TSGA10: variants seen among roughly 807,000 people sequenced by gnomAD.
TSGA10 encodes the protein testis-specific gene 10 protein.
A neutral mutation model predicts 96.6 loss-of-function variants in TSGA10; 43 were observed. That is an observed-to-expected ratio of 0.44 (90% confidence interval 0.35 to 0.57). The LOEUF (loss-of-function observed/expected upper bound fraction) is 0.57, where lower values mean the gene tolerates loss of function less well. Among genes scored for constraint, TSGA10 ranks in the 20% least tolerant of loss-of-function variants. The pLI, the probability that TSGA10 is intolerant of heterozygous loss-of-function variation, is 0.01. For synonymous variants in TSGA10, 229 were observed against 269.9 expected (o/e 0.85, Z 1.48); for missense variants, 703 against 834.4 (o/e 0.84, Z 1.94).
chr2:99,018,726 G>A, intron 18 of TSGA10, 86 bp from the exon 19 acceptor site: 1 of 1,148,910 alleles, frequency 8.7e-7, no homozygotes, highest in Non-Finnish European at 1.2e-6. Flanking sequence ...ATTGATAGTG[G>A]TTTCTCAGCT....
chr2:99,035,062 T>C (rs570663430), intron 17 of TSGA10, among the ~76,000 whole-genome samples, 168 bp downstream of exon 17: 50 of 152,290 alleles, frequency 3.3e-4, no homozygotes, highest in Admixed American at 6.5e-5. Context: ...AGTCTTAAGT[T>C]GTCTGGAATA....
At chr2:99,102,160 T>C (rs1486193569) in intron 10 of TSGA10, 11 of 1,524,054 alleles carry the variant, frequency 7.2e-6, no homozygotes, top group Non-Finnish European at 8.2e-6. Context: ...ATGAATATAC[T>C]TGAACTTCGG....
rs2079692663 is a variant in TSGA10, at chr2:99,018,136, A to T, written c.2072+64T>A. The T allele has an allele frequency of 1.9e-6, 3 of 1,548,274 alleles. No individual in the cohort carries two copies. The African/African-American group carries it at 4.1e-5, about 21-fold the overall frequency. On this transcript the variant is annotated intron_variant, in intron 20 of 20. Coordinates refer to ENST00000393483, the MANE Select transcript of TSGA10 (RefSeq NM_025244.4). The stretch of plus-strand genomic sequence containing the variant: ...GACTATTGAGTTTCCTTATTACCCC[A>T]AATGTTCACTATACTAGATACTGCT...
At chr2:99,042,107 G>A (rs752925502) in intron 16 of TSGA10, among the ~76,000 whole-genome samples, 1 of 144,082 alleles carries the variant, frequency 6.9e-6, no homozygotes, top group Non-Finnish European at 1.5e-5. Context: ...CAGTGGTACT[G>A]TCTCGGCTCA....
chr2:99,091,713 A>G (rs897293071), intron 10 of TSGA10, among the ~76,000 whole-genome samples: 4 of 152,180 alleles, frequency 2.6e-5, no homozygotes, highest in Non-Finnish European at 4.4e-5. Context: ...AAAGAGGGAC[A>G]TTATATAATG....
intron 1 of TSGA10, among the ~76,000 whole-genome samples, chr2:99,145,279 C>G (rs2093620361): frequency 6.6e-6 from 1 of 152,144 alleles, no homozygotes; most frequent in African/African-American, 2.4e-5. Flanking sequence ...TCTTGTGTGG[C>G]AGGTGCGGTG....
intron 17 of TSGA10, among the ~76,000 whole-genome samples, chr2:99,021,951 G>A (rs2080057332): frequency 6.6e-6 from 1 of 152,068 alleles, no homozygotes; most frequent in Non-Finnish European, 1.5e-5. Flanking sequence ...TAATTCACAT[G>A]CCATCAATGA....
At chr2:99,111,482 A>G (rs1217537508) in intron 4 of TSGA10, among the ~76,000 whole-genome samples, 2 of 152,182 alleles carry the variant, frequency 1.3e-5, no homozygotes, top group Non-Finnish European at 2.9e-5. Context: ...CTTTGCTAAT[A>G]GCATATTCAC....
rs1002688267 is a variant in TSGA10, at chr2:99,036,461, G to T, written c.1405-1022C>A. ...ATGAAACATCCAGACTACTAGAGAA[G>T]TCATATATTAATCAAATAATGATAC... On this transcript the variant is annotated intron_variant, in intron 16 of 20. Coordinates refer to ENST00000393483, the MANE Select transcript of TSGA10 (RefSeq NM_025244.4). 2.0e-5 allele frequency among the ~76,000 whole-genome samples: 3 copies of T among 152,106 alleles called. No homozygotes were observed. The East Asian group carries it at 5.8e-4, about 29-fold the overall frequency.
intron 1 of TSGA10, among the ~76,000 whole-genome samples, chr2:99,135,283 G>A (rs1165396083): frequency 3.9e-5 from 6 of 152,194 alleles, no homozygotes; most frequent in African/African-American, 1.4e-4. Flanking sequence ...GCCCTGCCCA[G>A]AGAGGAGGAA....
chr2:99,093,759 A>G lies in TSGA10; in HGVS notation c.611+10208T>C, dbSNP rs536237022. Reference sequence around the variant, plus strand: ...TGCTGAAAGACATCACAGACGACACAAACAAATGGAAACATGTCCCGTGCT... The same window carrying G: ...TGCTGAAAGACATCACAGACGACACGAACAAATGGAAACATGTCCCGTGCT... On this transcript the variant is annotated intron_variant, in intron 10 of 20. Coordinates refer to ENST00000393483, the MANE Select transcript of TSGA10 (RefSeq NM_025244.4). Among the ~76,000 whole-genome samples, 242 of 152,296 alleles carry G rather than the reference A, an allele frequency of 1.6e-3. 2 individuals are homozygous for G. The highest frequency in any genetic ancestry group is 8.0e-3 in the Admixed American group (122 of 15,282).
chr2:99,065,636 C>T (rs1373429804), intron 15 of TSGA10, among the ~76,000 whole-genome samples: 1 of 152,186 alleles, frequency 6.6e-6, no homozygotes, highest in Non-Finnish European at 1.5e-5. Flanking sequence ...TTCATAGCCC[C>T]AGCCTTAATT....
rs1224479542 is a variant in TSGA10 at position 99,078,664 on chromosome 2, T to C, written c.877A>G (p.Met293Val). The change falls in exon 12 of 21, where the codon ATG becomes GTG. Residue 293 changes from methionine to valine, a missense_variant. Physicochemically the swap from Met to Val is conservative, Grantham distance 21. This residue lies in a region of TSGA10 where 585 missense variants were observed against 656.8 expected (regional missense o/e 0.89). Coordinates refer to ENST00000393483, the MANE Select transcript of TSGA10 (RefSeq NM_025244.4). ...CCACAGTTCTCAGAACATACTTTCA[T>C]TGCCAAACTCTCTCCAAGGGATGCA... Reference protein sequence around the residue: ...NIASLGESLAMKEKTISGMKN... With the variant: ...NIASLGESLAVKEKTISGMKN... 6.2e-7 allele frequency: 1 copy of C among 1,611,926 alleles called. No individual in the cohort carries two copies. The highest frequency in any genetic ancestry group is 8.5e-7 in the Non-Finnish European group (1 of 1,179,330).
chr2:99,110,039 C>G (rs1234147677), intron 5 of TSGA10, among the ~76,000 whole-genome samples: 1 of 152,060 alleles, frequency 6.6e-6, no homozygotes, highest in Admixed American at 6.6e-5. Context: ...GTGGCGTGCA[C>G]CTGTAGTCCC....
chr2:99,042,390 G>A (rs541568315), intron 16 of TSGA10, among the ~76,000 whole-genome samples: 1 of 152,132 alleles, frequency 6.6e-6, no homozygotes, highest in African/African-American at 2.4e-5. Flanking sequence ...GACGGGACAT[G>A]GCCAGCCCAT....
intron 16 of TSGA10, among the ~76,000 whole-genome samples, chr2:99,052,496 T>C (rs2083493193): frequency 6.6e-6 from 1 of 152,022 alleles, no homozygotes; most frequent in South Asian, 2.1e-4. Context: ...CCCAGAACTT[T>C]GGGAGGCCTA....
At chr2:99,112,871 T>G (rs2091934548) in intron 4 of TSGA10, among the ~76,000 whole-genome samples, 1 of 143,526 alleles carries the variant, frequency 7.0e-6, no homozygotes, top group African/African-American at 2.5e-5. Flanking sequence ...CCACCCTTTG[T>G]TTGTGGGGGA....
At position 99,108,901 on chromosome 2, in the gene TSGA10, C is replaced by T; in HGVS notation, c.142G>A (p.Ala48Thr). The stretch of plus-strand genomic sequence containing the variant: ...ACCTTGACATTACCCTGAATTTCTG[C>T]CAAATGGCGCTCATATTTTTCCAGC... ...CMLEKYERHL[A>T]EIQGNVKVLK... The change falls in exon 7 of 21, where the codon GCA becomes ACA. Residue 48 changes from alanine to threonine, a missense_variant. By Grantham distance (58) the Ala-to-Thr change is moderately conservative. Around this residue, in one of 3 missense-constraint regions of TSGA10, gnomAD observed 585 missense variants for 656.8 expected, o/e 0.89. Transcript: ENST00000393483. 1 of 1,607,278 alleles carries T rather than the reference C, an allele frequency of 6.2e-7. No individual in the cohort carries two copies. The highest frequency in any genetic ancestry group is 1.7e-5 in the Admixed American group (1 of 58,220).
intron 20 of TSGA10, among the ~76,000 whole-genome samples, chr2:99,007,871 C>A (rs2078644736): frequency 6.6e-6 from 1 of 152,056 alleles, no homozygotes; most frequent in Non-Finnish European, 1.5e-5. Flanking sequence ...TACCACATAG[C>A]CTCTATAATT....
Sources: gnomAD v4.1 joint callset for allele counts (sites outside exome capture counted in the v4.1 genomes callset) on GRCh38, gnomAD v4.1.1 for gene constraint, gnomAD v4.1.1 regional missense constraint, MANE v1.5 for transcripts, NCBI Gene and HGNC (gene_info 2026-07-23, HGNC 2026-07-21) for gene names.